The following FAF2 variants were observed in gnomAD, a reference collection of about 807,000 sequenced individuals.
The protein encoded by FAF2 is FAS-associated factor 2.
A neutral mutation model predicts 62.3 loss-of-function variants in FAF2; 9 were observed. That is an observed-to-expected ratio of 0.14 (90% CI 0.09 to 0.25). The LOEUF is 0.25. Among genes scored for constraint, FAF2 ranks in the 10% least tolerant of loss-of-function variants. The pLI is 1.00. For missense variants in FAF2, 368 were observed against 556.2 expected (o/e 0.66, Z 3.40); for synonymous variants, 202 against 198.0 (o/e 1.02, Z -0.17).
intron 7 of FAF2, among the ~76,000 whole-genome samples, chr5:176,495,550 C>T (rs1333615626): frequency 6.7e-6 from 1 of 148,152 alleles, no homozygotes; most frequent in Non-Finnish European, 1.5e-5. Flanking sequence ...TTTACTCTGT[C>T]ACCCAGGTTG....
At chr5:176,449,343 A>G (rs926149754) in intron 1 of FAF2, among the ~76,000 whole-genome samples, 1 of 152,164 alleles carries the variant, frequency 6.6e-6, no homozygotes, top group African/African-American at 2.4e-5. Context: ...TTGGGAGGCC[A>G]AGGCCAGCGA....
intron 10 of FAF2, among the ~76,000 whole-genome samples, chr5:176,502,627 GT>G (rs1168031975): frequency 1.3e-5 from 2 of 152,158 alleles, no homozygotes; most frequent in African/African-American, 4.8e-5. Flanking sequence ...TCTCCTGAGA[GT>G]TTTGGAGGAA....
intron 1 of FAF2, among the ~76,000 whole-genome samples, chr5:176,467,605 G>A (rs1758493503): frequency 6.6e-6 from 1 of 151,886 alleles, no homozygotes; most frequent in Admixed American, 6.6e-5. Flanking sequence ...ACCACGCCCA[G>A]CCAGATGTCA....
intron 1 of FAF2, among the ~76,000 whole-genome samples, chr5:176,473,480 G>C (rs1284176005): frequency 6.6e-5 from 10 of 152,046 alleles, no homozygotes; most frequent in Non-Finnish European, 5.9e-5. Context: ...CAGTAGCGTT[G>C]GTCAGGTTTC....
chr5:176,479,304 TAA>T (rs1561821684), intron 2 of FAF2, 48 bp downstream of exon 2: 3 of 1,456,590 alleles, frequency 2.1e-6, no homozygotes, highest in Non-Finnish European at 2.9e-6. Context: ...CTGGTCTGAT[TAA>T]GAGTCAAAAC....
At chr5:176,497,225 A>G (rs1755511080) in intron 8 of FAF2, among the ~76,000 whole-genome samples, 2 of 152,056 alleles carry the variant, frequency 1.3e-5, no homozygotes, top group Admixed American at 1.3e-4. Context: ...AGAATAGCTG[A>G]ATATAATATA....
At chr5:176,467,129 CTTTTTTTTTTTTTTTTTT>C (rs374702773) in intron 1 of FAF2, among the ~76,000 whole-genome samples, 1 of 94,036 alleles carries the variant, frequency 1.1e-5, no homozygotes, top group East Asian at 3.5e-4. Context: ...TTTTTTTTTC[CTTTTTTTTTTTTTTTTTT>C]TTTTTTGGTC....
intron 3 of FAF2, 53 bp from the exon 4 acceptor site, chr5:176,488,898 T>C (rs1758922087): frequency 1.4e-6 from 2 of 1,430,798 alleles, no homozygotes; most frequent in African/African-American, 1.4e-5. Flanking sequence ...AGCCATTTGA[T>C]AAAATATTAG....
chr5:176,475,842 G>A (rs1388019324), intron 1 of FAF2, among the ~76,000 whole-genome samples: 1 of 151,986 alleles, frequency 6.6e-6, no homozygotes. Flanking sequence ...CAGCTGAGGA[G>A]CTTTAAGAAC....
chr5:176,497,185 C>A (rs1233869659), intron 8 of FAF2, among the ~76,000 whole-genome samples: 2 of 151,912 alleles, frequency 1.3e-5, no homozygotes, highest in South Asian at 4.1e-4. Flanking sequence ...AGACAGGCCT[C>A]TGTGCTCAAG....
chr5:176,465,358 TTTTC>T (rs1197353220), intron 1 of FAF2, among the ~76,000 whole-genome samples: 12 of 140,128 alleles, frequency 8.6e-5, no homozygotes, highest in South Asian at 2.3e-4. Context: ...GAAATTTTCT[TTTTC>T]TTTCTTTTTT....
chr5:176,470,768 A>T (rs1374139243), intron 1 of FAF2, among the ~76,000 whole-genome samples: 1 of 152,216 alleles, frequency 6.6e-6, no homozygotes, highest in African/African-American at 2.4e-5. Context: ...TTAAGAGATC[A>T]CTGGAAAACG....
intron 1 of FAF2, among the ~76,000 whole-genome samples, chr5:176,471,040 T>C (rs1758558668): frequency 1.3e-5 from 2 of 152,342 alleles, no homozygotes; most frequent in South Asian, 4.1e-4. Flanking sequence ...TTCCATTTGC[T>C]TAAGCCTATG....
At chr5:176,496,418 G>A in intron 7 of FAF2, 68 bp from the exon 8 acceptor site, 2 of 1,272,810 alleles carry the variant, frequency 1.6e-6, no homozygotes, top group Non-Finnish European at 2.1e-6. Context: ...CACTCATTGT[G>A]GAAAGTCTAA....
At position 176,476,627 on chromosome 5, in the gene FAF2, C is replaced by CTTT. The variant is rs58104178; in HGVS notation, c.64-2540_64-2538dup. 1.7e-3 allele frequency among the ~76,000 whole-genome samples: 166 copies of CTTT among 95,064 alleles called. 1 individual carries two copies. The highest frequency in any genetic ancestry group is 3.4e-3 in the African/African-American group (76 of 22,508). The allele number at this position is 95,064 out of a possible 152,430, so 62.4% of individuals were successfully genotyped here. The stretch of plus-strand genomic sequence containing the variant: ...GGGGAAGATGGTAAGATTAGAGTCC[C>CTTT]TTTTTTTTTTTTTTTTTTTTTTTGA... On this transcript the variant is annotated intron_variant, in intron 1 of 10. Transcript: ENST00000261942.
chr5:176,500,410 G>T (rs1330008269), intron 10 of FAF2, among the ~76,000 whole-genome samples: 1 of 152,158 alleles, frequency 6.6e-6, no homozygotes, highest in African/African-American at 2.4e-5. Flanking sequence ...AAGAAAAAAA[G>T]GTACCTTACA....
chr5:176,458,444 C>G (rs530224028), intron 1 of FAF2, among the ~76,000 whole-genome samples: 29 of 103,676 alleles, frequency 2.8e-4, no homozygotes, highest in Admixed American at 1.9e-3. Context: ...GAGTCTCACT[C>G]TCTCACCCAC....
rs1320505841 is a variant in FAF2 at position 176,507,068 on chromosome 5, TATA to T, written c.*122_*124del. On this transcript the variant is annotated 3_prime_UTR_variant, in exon 11 of 11. Coordinates refer to ENST00000261942, the MANE Select transcript of FAF2 (RefSeq NM_014613.3). ...GAGAAATTCATATTATTATTATTAT[TATA>T]ATACAATATTTTTTTTAAAAGACTG... is the stretch of plus-strand genomic sequence containing the variant. The T allele has an allele frequency of 1.3e-5, 7 of 538,674 alleles. No homozygotes were observed. The highest frequency in any genetic ancestry group is 1.9e-5 in the Non-Finnish European group (7 of 375,690). 33.4% of individuals were successfully genotyped at this position (538,674 alleles called of 1,614,324 possible). A position where few individuals can be genotyped will look rare whatever the true frequency, so the allele number is the denominator to read the frequency against.
chr5:176,494,090 T>G lies in FAF2; in HGVS notation c.569+6T>G, dbSNP rs747587448. The stretch of plus-strand genomic sequence containing the variant: ...GACTCTGATGAGTTTTGTCGGTAAG[T>G]GGATTGATTATTTTCCTTCTCTTTT... On this transcript the variant is annotated splice_donor_region_variant and intron_variant, in intron 6 of 10. Coordinates refer to ENST00000261942, the MANE Select transcript of FAF2 (RefSeq NM_014613.3). This position sits in a 1 kb window ranked among gnomAD's most constrained non-coding sequence, Gnocchi z 4.0. The G allele has an allele frequency of 6.3e-5, 101 of 1,613,380 alleles. No homozygotes were observed. The highest frequency in any genetic ancestry group is 8.1e-5 in the Non-Finnish European group (96 of 1,179,400).
Sources: allele counts gnomAD v4.1 joint callset (sites outside exome capture counted in the v4.1 genomes callset), GRCh38; gene constraint gnomAD v4.1.1; non-coding constraint Gnocchi (gnomAD v3.1); transcripts MANE v1.5; gene names NCBI Gene and HGNC (gene_info 2026-07-23, HGNC 2026-07-21).